The following PVT1 variants were observed in gnomAD, a reference collection of about 807,000 sequenced individuals.
PVT1 encodes CXCR4/PVT1 fusion.
intron 3 of PVT1, among the ~76,000 whole-genome samples, chr8:127,942,957 G>T (rs531359673): frequency 1.3e-5 from 2 of 152,218 alleles, no homozygotes; most frequent in Non-Finnish European, 2.9e-5. Context: ...TCTGAGGAGG[G>T]AGCAGGACCT....
intron 4 of PVT1, among the ~76,000 whole-genome samples, chr8:128,000,065 C>G (rs1441866000): frequency 6.6e-6 from 1 of 152,190 alleles, no homozygotes; most frequent in African/African-American, 2.4e-5. Context: ...CTGGACTGTC[C>G]TGTTCTGCTC....
At chr8:128,075,936 C>T (rs1382347628) in intron 5 of PVT1, among the ~76,000 whole-genome samples, 2 of 152,236 alleles carry the variant, frequency 1.3e-5, no homozygotes, top group Non-Finnish European at 2.9e-5. Flanking sequence ...GTAGCTACAA[C>T]ACATTTTATC....
At chr8:128,081,817 C>T (rs1034935303) in intron 5 of PVT1, among the ~76,000 whole-genome samples, 9 of 152,192 alleles carry the variant, frequency 5.9e-5, no homozygotes, top group East Asian at 1.9e-4. Flanking sequence ...TCTGGCCAAA[C>T]GGCATTTTAA....
intron 3 of PVT1, among the ~76,000 whole-genome samples, chr8:127,968,335 T>G (rs1816725225): frequency 6.7e-6 from 1 of 148,158 alleles, no homozygotes; most frequent in African/African-American, 2.5e-5. Flanking sequence ...ACCATGCATC[T>G]GGATGCCTGT....
intron 5 of PVT1, among the ~76,000 whole-genome samples, chr8:128,087,176 G>A (rs1814269021): frequency 6.6e-6 from 1 of 152,138 alleles, no homozygotes; most frequent in Non-Finnish European, 1.5e-5. Flanking sequence ...AAACTGAGGT[G>A]AAACTTCTTG....
intron 2 of PVT1, among the ~76,000 whole-genome samples, chr8:127,841,909 A>G (rs1340718227): frequency 6.6e-6 from 1 of 151,948 alleles, no homozygotes; most frequent in Non-Finnish European, 1.5e-5. Flanking sequence ...TCTTTTTAGT[A>G]GAGACGGGGT....
At chr8:127,974,220 C>T (rs1816796086) in intron 3 of PVT1, among the ~76,000 whole-genome samples, 1 of 152,142 alleles carries the variant, frequency 6.6e-6, no homozygotes, top group African/African-American at 2.4e-5. Context: ...GCTAATATAT[C>T]ACCCCATTGG....
At chr8:127,909,107 T>A in intron 3 of PVT1, among the ~76,000 whole-genome samples, 1 of 152,228 alleles carries the variant, frequency 6.6e-6, no homozygotes, top group East Asian at 1.9e-4. Flanking sequence ...ACTGTATATT[T>A]GAAGGCCCTC....
chr8:127,917,063 C>T (rs780512543), intron 3 of PVT1, among the ~76,000 whole-genome samples: 6 of 152,160 alleles, frequency 3.9e-5, no homozygotes, highest in Admixed American at 6.5e-5. Flanking sequence ...GGCAGTGAGA[C>T]TTAGAGCATC....
intron 3 of PVT1, among the ~76,000 whole-genome samples, chr8:127,931,664 G>A (rs1194211648): frequency 6.6e-6 from 1 of 152,220 alleles, no homozygotes; most frequent in South Asian, 2.1e-4. Context: ...CCTCAGAGTC[G>A]GTGCTAACCA....
intron 3 of PVT1, among the ~76,000 whole-genome samples, chr8:127,967,824 T>G (rs760719058): frequency 1.3e-5 from 2 of 152,236 alleles, no homozygotes; most frequent in Non-Finnish European, 2.9e-5. Context: ...CACAGGAGAT[T>G]CATTGCTGAG....
At chr8:127,844,296 G>A (rs77662348) in intron 2 of PVT1, among the ~76,000 whole-genome samples, 6,634 of 152,212 alleles carry the variant, frequency 0.044, 518 homozygotes, top group African/African-American at 0.15. Context: ...AAGCCGCCCA[G>A]TCCTGATTGC....
intron 4 of PVT1, among the ~76,000 whole-genome samples, chr8:128,000,969 T>A (rs2084415354): frequency 6.6e-6 from 1 of 152,272 alleles, no homozygotes; most frequent in Non-Finnish European, 1.5e-5. Flanking sequence ...TTGTTTTTTA[T>A]CTGAAATTCT....
At position 127,984,919 on chromosome 8, in the gene PVT1, TTCTCTTTC is replaced by T. The variant is rs1173960073; in HGVS notation, n.783-4239_783-4232del. ...TTTCTTTCTTTCTTTCTTTCTTTCT[TTCTCTTTC>T]TCTTTCTTTCTTTCTTTCCCCTTCC... On this transcript the variant is annotated intron_variant and non_coding_transcript_variant, in intron 3 of 10. Coordinates refer to ENST00000651587, the Ensembl canonical transcript of PVT1. Among the ~76,000 whole-genome samples the T allele has an allele frequency of 2.8e-3, 344 of 121,402 alleles. 14 individuals are homozygous for T. Among genetic ancestry groups the T allele is most frequent in the East Asian group, 7.9e-3 (32 of 4,040 alleles). 79.6% of individuals were successfully genotyped at this position (121,402 alleles called of 152,430 possible).
Position 127,919,424 on chromosome 8 carries a change from A to G in PVT1, n.782+28426A>G, listed in dbSNP as rs574094670. ...TGGAAAGTTATTGACTTAGCGACAC[A>G]GTCTGTTTATCTGGGCTTCAGGAGC... is the stretch of plus-strand genomic sequence containing the variant. On this transcript the variant is annotated intron_variant and non_coding_transcript_variant, in intron 3 of 10. Transcript: ENST00000651587. Among the ~76,000 whole-genome samples, 92 of 152,316 alleles carry G rather than the reference A, an allele frequency of 6.0e-4. 1 individual carries two copies. The highest frequency in any genetic ancestry group is 1.2e-3 in the Non-Finnish European group (80 of 68,032).
chr8:127,961,743 G>A (rs1023537769), intron 3 of PVT1, among the ~76,000 whole-genome samples: 2 of 152,248 alleles, frequency 1.3e-5, no homozygotes, highest in Non-Finnish European at 2.9e-5. Context: ...AGTGAAGAAA[G>A]CACTGGTTTC....
chr8:127,937,624 C>T (rs973715015), intron 3 of PVT1, among the ~76,000 whole-genome samples: 1 of 147,932 alleles, frequency 6.8e-6, no homozygotes, highest in Non-Finnish European at 1.5e-5. Context: ...CGTGGCCTCT[C>T]TAAATAGGTA....
intron 3 of PVT1, chr8:127,939,396 A>G (rs1165128918): frequency 6.6e-6 from 1 of 152,464 alleles, no homozygotes; most frequent in Non-Finnish European, 1.5e-5. Flanking sequence ...GTTAGGCAGC[A>G]CGGGAGCCAG....
chr8:127,941,428 G>A (rs754968313), intron 3 of PVT1, among the ~76,000 whole-genome samples: 2 of 152,170 alleles, frequency 1.3e-5, no homozygotes, highest in Non-Finnish European at 2.9e-5. Flanking sequence ...CAGGTATTCT[G>A]ACACAGTACC....
Sources: gnomAD v4.1 joint callset for allele counts (sites outside exome capture counted in the v4.1 genomes callset) on GRCh38, gnomAD v4.1.1 for gene constraint, MANE v1.5 for transcripts, NCBI Gene and HGNC (gene_info 2026-07-23, HGNC 2026-07-21) for gene names.